Variants in USB1 observed in about 807,000 individuals in gnomAD.
USB1 encodes U6 snRNA biogenesis phosphodiesterase 1, also known as U6 snRNA phosphodiesterase 1.
In USB1, 21 loss-of-function variants were observed where a neutral mutation model predicts 29.9. That is an observed-to-expected ratio of 0.70 (90% CI 0.50 to 1.01). USB1 has a LOEUF of 1.01. Among genes scored for constraint, USB1 ranks in the 50% least tolerant of loss-of-function variants. The pLI is 0.00. For synonymous variants in USB1, 143 were observed against 134.9 expected (o/e 1.06, Z -0.42); for missense variants, 330 against 347.1 (o/e 0.95, Z 0.39).
At position 58,020,540 on chromosome 16, in the gene USB1, CCCT is replaced by C. The variant is rs1597057178; in HGVS notation, c.*299_*301del. ...CTCTCTCTTCCTCTTCTCTCTCTTC[CCCT>C]CCTGTCTCTCCTCCCCTCCTCTCTT... On this transcript the variant is annotated 3_prime_UTR_variant, in exon 7 of 7. Transcript: ENST00000219281. The C allele has an allele frequency of 7.3e-6, 3 of 413,348 alleles. No homozygotes were observed. The highest frequency in any genetic ancestry group is 4.6e-5 in the East Asian group (1 of 21,934). The allele number at this position is 413,348 out of a possible 1,614,324, so 25.6% of individuals were successfully genotyped here.
At chr16:58,001,658 G>T in intron 1 of USB1, 77 bp downstream of exon 1, 1 of 1,489,552 alleles carries the variant, frequency 6.7e-7, no homozygotes, top group Non-Finnish European at 9.2e-7. Flanking sequence ...GTCTGGGGGT[G>T]GAGTGGGGAG....
chr16:58,001,682 C>T, intron 1 of USB1, 101 bp downstream of exon 1: 1 of 1,355,356 alleles, frequency 7.4e-7, no homozygotes, highest in Non-Finnish European at 1.0e-6. Context: ...GGATGCGGGG[C>T]GGCTCTGGGA....
chr16:58,011,681 C>T lies in USB1; in HGVS notation c.449+1569C>T, dbSNP rs1011380849. 5.1e-6 allele frequency: 5 copies of T among 987,910 alleles called. No individual in the cohort carries two copies. In the East Asian group the frequency reaches 5.6e-4, roughly 111 times the overall value. 61.2% of individuals were successfully genotyped at this position (987,910 alleles called of 1,614,324 possible). ...ACAGGTGACCCCTCCATCCAGAGAT[C>T]AGTTGGTCCTGTGGTTCTTTACCCC... On this transcript the variant is annotated intron_variant, in intron 3 of 6. Coordinates refer to ENST00000219281, the MANE Select transcript of USB1 (RefSeq NM_024598.4).
At chr16:58,011,833 C>T (rs1368806235) in intron 3 of USB1, 1 of 989,096 alleles carries the variant, frequency 1.0e-6, no homozygotes, top group Admixed American at 5.9e-5. Flanking sequence ...TTTCCAAGTG[C>T]TCTGCTCACA....
chr16:58,017,010 T>C, intron 4 of USB1: 1 of 376,234 alleles, frequency 2.7e-6, no homozygotes, highest in Non-Finnish European at 5.1e-6. Flanking sequence ...TCATTTGCGA[T>C]TGGAATGATG....
Position 58,001,433 on chromosome 16 carries a change from G to C in USB1, c.-51G>C, listed in dbSNP as rs73546949. 1,439 of 1,556,442 alleles carry C rather than the reference G, an allele frequency of 9.2e-4. 12 individuals are homozygous for C. In the African/African-American group the frequency reaches 0.017, roughly 18 times the overall value. On this transcript the variant is annotated 5_prime_UTR_variant, in exon 1 of 7. Coordinates refer to ENST00000219281, the MANE Select transcript of USB1 (RefSeq NM_024598.4). ...CTTCCGGCACAGCGGAACTCCGGGTGCCGGTTGAGGTTGCTGGTGGACCTG... is the reference window on the plus strand; with the variant it reads ...CTTCCGGCACAGCGGAACTCCGGGTCCCGGTTGAGGTTGCTGGTGGACCTG...
At chr16:58,006,747 G>C (rs1963369807) in intron 2 of USB1, among the ~76,000 whole-genome samples, 1 of 152,208 alleles carries the variant, frequency 6.6e-6, no homozygotes, top group Non-Finnish European at 1.5e-5. Context: ...GCATTAGCTA[G>C]GACTTCCAGT....
At position 58,020,598 on chromosome 16, in the gene USB1, ACCCCTCCTGTCTCTCCT is replaced by A. The variant is rs1567424852; in HGVS notation, c.*362_*378del. On this transcript the variant is annotated 3_prime_UTR_variant, in exon 7 of 7. Coordinates refer to ENST00000219281, the MANE Select transcript of USB1 (RefSeq NM_024598.4). ...TCCTCTCTCTTCCTCTCCTCTCTCT[ACCCCTCCTGTCTCTCCT>A]CCCCTCCTCTCTCTTCCTCTCCTCT... 6.9e-6 allele frequency: 1 copy of A among 145,748 alleles called. No individual in the cohort carries two copies. Among genetic ancestry groups the A allele is most frequent in the African/African-American group, 7.0e-5 (1 of 14,276 alleles). 9.0% of individuals were successfully genotyped at this position (145,748 alleles called of 1,614,324 possible).
intron 2 of USB1, among the ~76,000 whole-genome samples, chr16:58,007,486 A>G (rs1963387810): frequency 1.3e-5 from 2 of 152,012 alleles, no homozygotes; most frequent in African/African-American, 2.4e-5. Flanking sequence ...GGTTCAAGCT[A>G]TTCTCCTGCC....
chr16:58,004,752 G>A (rs1347350485), intron 2 of USB1, among the ~76,000 whole-genome samples: 2 of 152,148 alleles, frequency 1.3e-5, no homozygotes, highest in Non-Finnish European at 2.9e-5. Context: ...TATCTTGTAG[G>A]GTCCAGCCCC....
In USB1 at chr16:58,013,439, A is replaced by G. The variant is rs939326289; in HGVS notation, c.450-834A>G. 7.1e-6 allele frequency: 7 copies of G among 985,330 alleles called. No homozygotes were observed. Among genetic ancestry groups the G allele is most frequent in the African/African-American group, 1.7e-5 (1 of 57,226 alleles). 61.0% of individuals were successfully genotyped at this position (985,330 alleles called of 1,614,324 possible). On this transcript the variant is annotated intron_variant, in intron 3 of 6. Coordinates refer to ENST00000219281, the MANE Select transcript of USB1 (RefSeq NM_024598.4). This position sits in a 1 kb window ranked among gnomAD's most constrained non-coding sequence, Gnocchi z 4.3. Reference sequence around the variant, plus strand: ...ATGCTGGTATATTATGTTCCCTCAGATGGGGGTGAGACCCTTGGCCTGGGG... The same window carrying G: ...ATGCTGGTATATTATGTTCCCTCAGGTGGGGGTGAGACCCTTGGCCTGGGG...
intron 2 of USB1, among the ~76,000 whole-genome samples, chr16:58,004,450 T>C (rs1963305566): frequency 6.6e-6 from 1 of 152,162 alleles, no homozygotes; most frequent in Admixed American, 6.6e-5. Flanking sequence ...GGGGGCTTTT[T>C]TTGGTTTTTT....
At chr16:58,002,012 A>G (rs904741563) in intron 1 of USB1, among the ~76,000 whole-genome samples, 1 of 152,318 alleles carries the variant, frequency 6.6e-6, no homozygotes, top group African/African-American at 2.4e-5. Context: ...TGGTGAACAA[A>G]ACCGTCGGCC....
Position 58,014,337 on chromosome 16 carries a change from C to T in USB1, c.503+11C>T. ...TCAAGAGAAAACCAGGTGGGTCCTC[C>T]CAACCCCCAATCACCATCAGAGGAA... On this transcript the variant is annotated intron_variant, in intron 4 of 6. Coordinates refer to ENST00000219281, the MANE Select transcript of USB1 (RefSeq NM_024598.4). 1 of 1,610,328 alleles carries T rather than the reference C, an allele frequency of 6.2e-7. No individual in the cohort carries two copies. Among genetic ancestry groups the T allele is most frequent in the East Asian group, 2.2e-5 (1 of 44,860 alleles).
chr16:58,001,282 C>G (rs776097751), upstream of USB1: 3 of 660,896 alleles, frequency 4.5e-6, no homozygotes, highest in Non-Finnish European at 8.0e-6. Flanking sequence ...TGACCAGATC[C>G]GCGTGCGCAG....
intron 3 of USB1, chr16:58,012,648 T>C (rs1232664857): frequency 2.4e-6 from 3 of 1,273,962 alleles, no homozygotes; most frequent in Non-Finnish European, 3.0e-6. Context: ...CCTGTGTGCT[T>C]TCTTTGGGAG....
At chr16:58,016,991 G>C in intron 4 of USB1, 1 of 358,264 alleles carries the variant, frequency 2.8e-6, no homozygotes, top group African/African-American at 2.1e-5. Context: ...GCCTCCTTGA[G>C]GACAGGAGTC....
At chr16:58,007,415 T>G (rs1963385986) in intron 2 of USB1, among the ~76,000 whole-genome samples, 1 of 152,158 alleles carries the variant, frequency 6.6e-6, no homozygotes, top group African/African-American at 2.4e-5. Flanking sequence ...AGAGTCTCAC[T>G]CTGTTGCCCA....
chr16:58,020,080 G>A (rs1597056645), intron 6 of USB1, 61 bp from the exon 7 acceptor site: 12 of 1,557,706 alleles, frequency 7.7e-6, no homozygotes, highest in African/African-American at 2.7e-5. Context: ...TTTGTTTGCA[G>A]TGCCCTGTGG....
Sources: gnomAD v4.1 joint callset for allele counts (sites outside exome capture counted in the v4.1 genomes callset) on GRCh38, gnomAD v4.1.1 for gene constraint, Gnocchi (gnomAD v3.1) non-coding constraint, MANE v1.5 for transcripts, NCBI Gene and HGNC (gene_info 2026-07-23, HGNC 2026-07-21) for gene names.